Variants in GRID1 observed in about 807,000 individuals in gnomAD.
GRID1 encodes glutamate receptor ionotropic, delta-1.
GRID1 carries 28 observed loss-of-function variants against 98.0 expected under a neutral mutation model. That is an observed-to-expected ratio of 0.29 (90% CI 0.21 to 0.39). GRID1 has a LOEUF of 0.39. Among genes scored for constraint, GRID1 ranks in the 10% least tolerant of loss-of-function variants. The probability of loss-of-function intolerance (pLI) is 1.00; values close to 1 mark genes in which losing one functional copy is unlikely to be tolerated. For missense variants in GRID1, 1,111 were observed against 1,340.5 expected, an observed-to-expected ratio of 0.83 and a Z score of 2.67; for synonymous variants, 553 against 538.5, an observed-to-expected ratio of 1.03 and a Z score of -0.37.
intron 2 of GRID1, among the ~76,000 whole-genome samples, chr10:86,288,978 T>G (rs148062252): frequency 0.012 from 1,784 of 152,294 alleles, 42 homozygotes; most frequent in African/African-American, 0.041. Context: ...CCACCATGTC[T>G]GTCCAGGCTT....
intron 3 of GRID1, among the ~76,000 whole-genome samples, chr10:86,191,097 G>C (rs1470950900): frequency 2.6e-5 from 4 of 152,168 alleles, no homozygotes; most frequent in African/African-American, 9.7e-5. Flanking sequence ...CCTGTTACAT[G>C]CATTTGATGC....
intron 5 of GRID1, among the ~76,000 whole-genome samples, chr10:85,915,474 C>T (rs965838127): frequency 6.6e-6 from 1 of 151,946 alleles, no homozygotes; most frequent in South Asian, 2.1e-4. Context: ...CATGCACAAT[C>T]ACACACATAT....
chr10:85,982,284 A>G (rs1277408200), intron 4 of GRID1, among the ~76,000 whole-genome samples: 1 of 152,146 alleles, frequency 6.6e-6, no homozygotes, highest in Non-Finnish European at 1.5e-5. Context: ...ATTTGTATGT[A>G]TAGCAAAACA....
intron 8 of GRID1, among the ~76,000 whole-genome samples, chr10:85,784,639 A>G (rs2132730829): frequency 6.6e-6 from 1 of 152,306 alleles, no homozygotes; most frequent in African/African-American, 2.4e-5. Flanking sequence ...GACAACCGTG[A>G]GCATCAGTTT....
At chr10:85,906,717 T>C (rs758225244) in intron 5 of GRID1, among the ~76,000 whole-genome samples, 12 of 151,978 alleles carry the variant, frequency 7.9e-5, no homozygotes, top group Admixed American at 2.0e-4. Flanking sequence ...GCACAACATA[T>C]CAAGATTTGT....
At chr10:85,722,938 A>G in intron 12 of GRID1, 65 bp downstream of exon 12, 1 of 1,433,626 alleles carries the variant, frequency 7.0e-7, no homozygotes, top group East Asian at 2.4e-5. Flanking sequence ...TGCCCTGGAA[A>G]GGTTTACATC....
At chr10:85,662,759 C>T (rs780148167) in intron 12 of GRID1, among the ~76,000 whole-genome samples, 2 of 152,144 alleles carry the variant, frequency 1.3e-5, no homozygotes, top group Non-Finnish European at 2.9e-5. Flanking sequence ...ACCATGCCGC[C>T]ATGAAAAGGT....
At chr10:86,181,410 G>C (rs1845653568) in intron 3 of GRID1, among the ~76,000 whole-genome samples, 1 of 152,182 alleles carries the variant, frequency 6.6e-6, no homozygotes, top group South Asian at 2.1e-4. Context: ...TCTTCCAGTG[G>C]ACACTAACAT....
At chr10:85,733,917 C>T (rs1403198478) in intron 8 of GRID1, among the ~76,000 whole-genome samples, 1 of 152,012 alleles carries the variant, frequency 6.6e-6, no homozygotes, top group South Asian at 2.1e-4. Flanking sequence ...CCTTCTTTAT[C>T]CTCTTCCTGA....
rs577180021 is a variant in GRID1, at chr10:85,761,069, C to A, written c.1234-31455G>T. 2.0e-5 allele frequency among the ~76,000 whole-genome samples: 3 copies of A among 152,274 alleles called. No homozygotes were observed. In the East Asian group the frequency reaches 5.8e-4, roughly 29 times the overall value. ...AATTCTTGGCCAGCTCTTCAAAAAA[C>A]AAAAAGGCTCTGAGCTCAGCTGAGC... On this transcript the variant is annotated intron_variant, in intron 8 of 15. Coordinates refer to ENST00000327946, the MANE Select transcript of GRID1 (RefSeq NM_017551.3).
intron 3 of GRID1, among the ~76,000 whole-genome samples, chr10:86,180,383 A>G (rs971055934): frequency 6.6e-6 from 1 of 151,936 alleles, no homozygotes; most frequent in African/African-American, 2.4e-5. Context: ...CCTATATGAT[A>G]CTCTGTAAGA....
intron 8 of GRID1, among the ~76,000 whole-genome samples, chr10:85,734,965 G>A (rs1009005876): frequency 6.6e-6 from 1 of 152,160 alleles, no homozygotes; most frequent in Non-Finnish European, 1.5e-5. Flanking sequence ...AGGGGGTCTG[G>A]CGCTCGCCAC....
intron 6 of GRID1, among the ~76,000 whole-genome samples, chr10:85,858,369 A>G (rs1232375927): frequency 1.3e-5 from 2 of 152,122 alleles, no homozygotes; most frequent in Non-Finnish European, 2.9e-5. Flanking sequence ...GCAGAGGGAA[A>G]ACTAAGTACC....
intron 12 of GRID1, among the ~76,000 whole-genome samples, chr10:85,686,762 T>A (rs1002639702): frequency 3.9e-5 from 6 of 152,018 alleles, no homozygotes; most frequent in South Asian, 4.1e-4. Context: ...ATTATATATA[T>A]TTTTGTTTGT....
chr10:85,621,457 T>C (rs1401163292), intron 13 of GRID1, among the ~76,000 whole-genome samples: 1 of 152,166 alleles, frequency 6.6e-6, no homozygotes, highest in African/African-American at 2.4e-5. Context: ...AAGATTTTAT[T>C]TCTTTCAAGA....
intron 12 of GRID1, among the ~76,000 whole-genome samples, chr10:85,686,536 A>C: frequency 6.6e-6 from 1 of 152,206 alleles, no homozygotes; most frequent in Non-Finnish European, 1.5e-5. Context: ...GACTAGTCCT[A>C]TATGTACCAA....
intron 4 of GRID1, among the ~76,000 whole-genome samples, chr10:86,119,919 T>C (rs902341986): frequency 6.6e-6 from 1 of 152,192 alleles, no homozygotes; most frequent in African/African-American, 2.4e-5. Context: ...GCCTCCCGAG[T>C]AGCTGGGACT....
chr10:86,192,874 G>C lies in GRID1; in HGVS notation c.520+13490C>G, dbSNP rs145607730. Among the ~76,000 whole-genome samples, 1 of 152,124 alleles carries C rather than the reference G, an allele frequency of 6.6e-6. No individual in the cohort carries two copies. The highest frequency in any genetic ancestry group is 1.5e-5 in the Non-Finnish European group (1 of 67,900). On this transcript the variant is annotated intron_variant, in intron 3 of 15. Coordinates refer to ENST00000327946, the MANE Select transcript of GRID1 (RefSeq NM_017551.3). The surrounding 1 kb of genome is among the most constrained non-coding windows in gnomAD (Gnocchi z 4.8). ...TCCTTAAAGGCCCCACAGTGAGGAT[G>C]CAGCCTCCCAGAGCCTGAGTCCCAG...
intron 12 of GRID1, among the ~76,000 whole-genome samples, chr10:85,648,773 T>C (rs1231180918): frequency 1.3e-5 from 2 of 152,140 alleles, no homozygotes; most frequent in Non-Finnish European, 2.9e-5. Flanking sequence ...GCTGCCTCTT[T>C]CCTTGGGGAG....
Sources: gnomAD v4.1 joint callset for allele counts (sites outside exome capture counted in the v4.1 genomes callset) on GRCh38, gnomAD v4.1.1 for gene constraint, Gnocchi (gnomAD v3.1) non-coding constraint, MANE v1.5 for transcripts, NCBI Gene and HGNC (gene_info 2026-07-23, HGNC 2026-07-21) for gene names.